The following NCAM1 variants were observed in gnomAD, a reference collection of about 807,000 sequenced individuals.
NCAM1 encodes the protein neural cell adhesion molecule 1, also known as antigen recognized by monoclonal antibody 5.1H11.
In NCAM1, 14 loss-of-function variants were observed where a neutral mutation model predicts 109.8. The ratio of observed to expected loss-of-function variants is 0.13; its 90% CI spans 0.08 to 0.20. The LOEUF (loss-of-function observed/expected upper bound fraction) is 0.20, where lower values mean the gene tolerates loss of function less well. NCAM1 is among the 10% of genes least tolerant of loss of function. The probability of loss-of-function intolerance (pLI) is 1.00; values close to 1 mark genes in which losing one functional copy is unlikely to be tolerated. For synonymous variants in NCAM1, 418 were observed against 442.9 expected (o/e 0.94, Z 0.70); for missense variants, 774 against 1,109.9 (o/e 0.70, Z 4.30).
At chr11:113,235,239 G>A (rs1339493356) in intron 14 of NCAM1, 75 bp downstream of exon 14, 8 of 1,611,038 alleles carry the variant, frequency 5.0e-6, no homozygotes, top group Admixed American at 3.3e-5. Context: ...CCCTGAGCTG[G>A]CCCATGTCAT....
intron 9 of NCAM1, among the ~76,000 whole-genome samples, chr11:113,226,475 A>G (rs1415027906): frequency 6.6e-6 from 1 of 152,228 alleles, no homozygotes; most frequent in Non-Finnish European, 1.5e-5. Flanking sequence ...CCCACACAAT[A>G]ATAATGGGAG....
intron 1 of NCAM1, among the ~76,000 whole-genome samples, chr11:113,120,739 T>C (rs188757005): frequency 1.1e-3 from 167 of 152,292 alleles, no homozygotes; most frequent in African/African-American, 3.8e-3. Flanking sequence ...ATGGATTGCA[T>C]GCACATATGT....
At position 112,979,250 on chromosome 11, in the gene NCAM1, A is replaced by AC. The variant is rs1316357287; in HGVS notation, c.52+17588dup. 2.7e-5 allele frequency among the ~76,000 whole-genome samples: 4 copies of AC among 150,798 alleles called. No homozygotes were observed. The East Asian group carries it at 7.9e-4, about 30-fold the overall frequency. On this transcript the variant is annotated intron_variant, in intron 1 of 19. Transcript: ENST00000316851. ...AAAGAAAAAAAAACAAACAAAAAAAACCTGTAATTTTTACCATTCAAAAGT... is the reference window on the plus strand; with the variant it reads ...AAAGAAAAAAAAACAAACAAAAAAAACCCTGTAATTTTTACCATTCAAAAGT...
intron 1 of NCAM1, among the ~76,000 whole-genome samples, chr11:113,093,220 C>G (rs1289100841): frequency 6.6e-6 from 1 of 152,152 alleles, no homozygotes; most frequent in Middle Eastern, 3.2e-3. Flanking sequence ...CCCTAGCTCC[C>G]AGATGGAGGC....
intron 1 of NCAM1, among the ~76,000 whole-genome samples, chr11:113,190,480 T>C (rs568261509): frequency 5.9e-5 from 9 of 152,330 alleles, no homozygotes; most frequent in Non-Finnish European, 1.3e-4. Flanking sequence ...CACCATCTGC[T>C]GCTGCCCCTT....
chr11:113,064,034 T>G (rs1245091), intron 1 of NCAM1, among the ~76,000 whole-genome samples: 126,836 of 152,206 alleles, frequency 0.83, 53,203 homozygotes, highest in African/African-American at 0.93. Context: ...TGTCATTCCA[T>G]ATCTATATGG....
chr11:113,236,781 G>A (rs997336877), intron 14 of NCAM1, among the ~76,000 whole-genome samples: 4 of 152,244 alleles, frequency 2.6e-5, no homozygotes, highest in African/African-American at 9.6e-5. Flanking sequence ...GCTTTTAGGA[G>A]ATAAAGGAAT....
chr11:113,224,287 C>T (rs1268552451), intron 9 of NCAM1, among the ~76,000 whole-genome samples: 1 of 152,228 alleles, frequency 6.6e-6, no homozygotes, highest in Non-Finnish European at 1.5e-5. Context: ...GAGATTATAT[C>T]CCGCGCATGG....
rs201638794 is a variant in NCAM1, at chr11:113,153,477, T to A, written c.53-48902T>A. ...GTGAGAGAGAGAGAGAGAGAGAGAG[T>A]GTGTGTGTGTGTGTATGTGGCAAAC... On this transcript the variant is annotated intron_variant, in intron 1 of 19. Transcript: ENST00000316851. 3.2e-3 allele frequency among the ~76,000 whole-genome samples: 413 copies of A among 130,706 alleles called. 2 individuals are homozygous for A. Among genetic ancestry groups the A allele is most frequent in the Non-Finnish European group, 5.0e-3 (302 of 59,910 alleles). 85.7% of individuals were successfully genotyped at this position (130,706 alleles called of 152,430 possible).
intron 1 of NCAM1, chr11:113,130,615 G>A (rs781852465): frequency 6.6e-6 from 1 of 152,142 alleles, no homozygotes; most frequent in South Asian, 2.1e-4. Flanking sequence ...GACATCATTT[G>A]TACCATTGTC....
At chr11:113,153,200 G>T (rs1019957648) in intron 1 of NCAM1, among the ~76,000 whole-genome samples, 1 of 151,952 alleles carries the variant, frequency 6.6e-6, no homozygotes, top group African/African-American at 2.4e-5. Flanking sequence ...CCGCCACCAC[G>T]CCCAGCTAAT....
intron 1 of NCAM1, among the ~76,000 whole-genome samples, chr11:113,179,647 G>A (rs1485272339): frequency 1.3e-5 from 2 of 152,142 alleles, no homozygotes; most frequent in African/African-American, 4.8e-5. Context: ...TTCTATCAAC[G>A]CTTGGGTCAT....
intron 1 of NCAM1, among the ~76,000 whole-genome samples, chr11:113,098,258 T>C (rs552172880): frequency 6.6e-6 from 1 of 152,252 alleles, no homozygotes; most frequent in Admixed American, 6.5e-5. Flanking sequence ...AGGAGATTGA[T>C]TCTAGGATTA....
At chr11:113,126,988 G>C (rs1941204662) in intron 1 of NCAM1, among the ~76,000 whole-genome samples, 1 of 152,222 alleles carries the variant, frequency 6.6e-6, no homozygotes, top group African/African-American at 2.4e-5. Flanking sequence ...CCTCCCTCCT[G>C]TTTGTTTTCT....
At chr11:113,256,496 A>T (rs1440896787) in intron 16 of NCAM1, among the ~76,000 whole-genome samples, 1 of 152,150 alleles carries the variant, frequency 6.6e-6, no homozygotes, top group Non-Finnish European at 1.5e-5. Context: ...TAACTGCTGG[A>T]TCTCACGCAG....
chr11:112,996,211 C>T (rs1555071407), intron 1 of NCAM1, among the ~76,000 whole-genome samples: 4 of 152,146 alleles, frequency 2.6e-5, no homozygotes, highest in South Asian at 2.1e-4. Flanking sequence ...TCTAACTTTT[C>T]CTACTTAGCA....
chr11:113,157,419 A>G (rs1466437302), intron 1 of NCAM1, among the ~76,000 whole-genome samples: 1 of 152,178 alleles, frequency 6.6e-6, no homozygotes, highest in Non-Finnish European at 1.5e-5. Flanking sequence ...ATTTGGAGCA[A>G]TTGTCAATGC....
chr11:113,191,272 G>T (rs906445165), intron 1 of NCAM1, among the ~76,000 whole-genome samples: 1 of 152,174 alleles, frequency 6.6e-6, no homozygotes, highest in Admixed American at 6.5e-5. Context: ...AGGAAGGAAA[G>T]TCTACGGCAG....
intron 1 of NCAM1, among the ~76,000 whole-genome samples, chr11:113,141,547 G>C (rs1228194260): frequency 6.6e-6 from 1 of 152,202 alleles, no homozygotes; most frequent in Non-Finnish European, 1.5e-5. Context: ...TACTTGGGAG[G>C]CTGAGGCAGG....
Sources: allele counts gnomAD v4.1 joint callset (sites outside exome capture counted in the v4.1 genomes callset), GRCh38; gene constraint gnomAD v4.1.1; transcripts MANE v1.5; gene names NCBI Gene and HGNC (gene_info 2026-07-23, HGNC 2026-07-21).